Variants in PHIP observed in about 807,000 individuals in gnomAD.
PHIP encodes the protein PHIP subunit of CUL4-Ring ligase complex.
In PHIP, 54 loss-of-function variants were observed where a neutral mutation model predicts 236.8. The observed-to-expected ratio is 0.23, with a 90% CI of 0.18 to 0.29. The LOEUF is 0.29. Among genes scored for constraint, PHIP ranks in the 10% least tolerant of loss-of-function variants. The probability of loss-of-function intolerance (pLI) is 1.00; values close to 1 mark genes in which losing one functional copy is unlikely to be tolerated. For missense variants in PHIP, 1,370 were observed against 2,190.8 expected (o/e 0.63, Z 7.48); for synonymous variants, 756 against 718.9 (o/e 1.05, Z -0.83).
chr6:78,955,320 T>C lies in PHIP; in HGVS notation c.3853-38A>G, dbSNP rs1354905385. 7.9e-6 allele frequency: 11 copies of C among 1,400,676 alleles called. No homozygotes were observed. The African/African-American group carries it at 1.4e-4, about 18-fold the overall frequency. The allele number at this position is 1,400,676 out of a possible 1,614,324, so 86.8% of individuals were successfully genotyped here. ...AATTTACCAGATTCATAAAACATTT[T>C]AGATGTCATTATACTTTATAGTTGA... On this transcript the variant is annotated intron_variant, in intron 33 of 39. Coordinates refer to ENST00000275034, the MANE Select transcript of PHIP (RefSeq NM_017934.7).
chr6:78,935,204 ATTT>A lies in PHIP; in HGVS notation c.*5486_*5488del, dbSNP rs1175753758. Among the ~76,000 whole-genome samples, 1 of 152,118 alleles carries A rather than the reference ATTT, an allele frequency of 6.6e-6. No homozygotes were observed. The highest frequency in any genetic ancestry group is 1.5e-5 in the Non-Finnish European group (1 of 67,950). The stretch of plus-strand genomic sequence containing the variant: ...CTTCATAAAGAAAAGGTTATCAGGA[ATTT>A]TTTTTACCTTCCTTCCTCAACTTAG... On this transcript the variant is annotated 3_prime_UTR_variant, in exon 40 of 40. Transcript: ENST00000275034.
At chr6:78,963,862 C>G (rs1263292841) in intron 29 of PHIP, among the ~76,000 whole-genome samples, 2 of 152,176 alleles carry the variant, frequency 1.3e-5, no homozygotes, top group Admixed American at 1.3e-4. Flanking sequence ...CAGATACACT[C>G]TAGAAAATAC....
chr6:78,972,541 G>C (rs916521481), intron 24 of PHIP, among the ~76,000 whole-genome samples: 1 of 152,218 alleles, frequency 6.6e-6, no homozygotes, highest in Non-Finnish European at 1.5e-5. Flanking sequence ...TGACTTTGAT[G>C]AGCTGAGAGA....
chr6:79,029,989 C>A (rs1366099370), intron 7 of PHIP, among the ~76,000 whole-genome samples: 1 of 152,018 alleles, frequency 6.6e-6, no homozygotes, highest in African/African-American at 2.4e-5. Context: ...ATATTATAGT[C>A]TTTTGACCAA....
chr6:78,941,739 T>A (rs1007960070), intron 39 of PHIP, among the ~76,000 whole-genome samples: 2 of 152,184 alleles, frequency 1.3e-5, no homozygotes, highest in African/African-American at 4.8e-5. Context: ...TGAAAAGTCC[T>A]ATCTCCTTGT....
chr6:78,979,634 G>C (rs1768374260), intron 23 of PHIP, among the ~76,000 whole-genome samples: 1 of 151,764 alleles, frequency 6.6e-6, no homozygotes, highest in Non-Finnish European at 1.5e-5. Flanking sequence ...TGTTACCTTA[G>C]ACTCAGGAAA....
chr6:79,056,103 T>C (rs1773057681), intron 6 of PHIP, among the ~76,000 whole-genome samples: 1 of 152,312 alleles, frequency 6.6e-6, no homozygotes, highest in South Asian at 2.1e-4. Flanking sequence ...TAAAACATAA[T>C]GTCTGTCCTC....
At chr6:78,972,229 T>C (rs1325701867) in intron 24 of PHIP, among the ~76,000 whole-genome samples, 3 of 152,166 alleles carry the variant, frequency 2.0e-5, no homozygotes, top group South Asian at 2.1e-4. Flanking sequence ...CCCTGACCCC[T>C]GAGCAGCCTA....
chr6:78,962,489 C>T (rs1318498675), intron 30 of PHIP, among the ~76,000 whole-genome samples: 1 of 151,842 alleles, frequency 6.6e-6, no homozygotes, highest in Admixed American at 6.6e-5. Flanking sequence ...CCTCAATCTC[C>T]GTGTCCATCC....
intron 21 of PHIP, among the ~76,000 whole-genome samples, chr6:78,986,946 C>T (rs1033996166): frequency 2.5e-5 from 3 of 117,862 alleles, no homozygotes; most frequent in African/African-American, 8.2e-5. Flanking sequence ...GAAAAAGAAA[C>T]AGAATTATTC....
intron 19 of PHIP, among the ~76,000 whole-genome samples, chr6:78,996,379 C>T (rs192591360): frequency 8.2e-4 from 125 of 152,010 alleles, no homozygotes; most frequent in Non-Finnish European, 1.4e-3. Context: ...TTTTATTTCA[C>T]GAAATAAAAA....
intron 27 of PHIP, among the ~76,000 whole-genome samples, chr6:78,967,998 C>T (rs1277290541): frequency 9.2e-5 from 14 of 151,834 alleles, no homozygotes; most frequent in African/African-American, 2.2e-4. Flanking sequence ...ATTAGCCAGG[C>T]GTGGTGGCAG....
intron 19 of PHIP, among the ~76,000 whole-genome samples, chr6:78,993,867 A>G (rs138742379): frequency 6.6e-6 from 1 of 152,324 alleles, no homozygotes; most frequent in East Asian, 1.9e-4. Context: ...AAGAAATTGC[A>G]TTTCATAAGG....
At chr6:79,074,871 C>G (rs1264055788) in intron 4 of PHIP, among the ~76,000 whole-genome samples, 1 of 152,086 alleles carries the variant, frequency 6.6e-6, no homozygotes, top group Non-Finnish European at 1.5e-5. Flanking sequence ...TTCACATCTA[C>G]AAATATTACA....
At chr6:78,972,164 T>C (rs534190234) in intron 24 of PHIP, among the ~76,000 whole-genome samples, 4,763 of 149,860 alleles carry the variant, frequency 0.032, 91 homozygotes, top group Middle Eastern at 0.058. Context: ...GTTCTCCCAG[T>C]ACGCAGCTGG....
chr6:78,966,544 C>G (rs1033530669), intron 27 of PHIP, among the ~76,000 whole-genome samples: 2 of 152,104 alleles, frequency 1.3e-5, no homozygotes, highest in African/African-American at 4.8e-5. Context: ...TCTCAATCAC[C>G]CTTAATACTC....
At chr6:79,063,995 TCAG>T (rs1389040963) in intron 4 of PHIP, among the ~76,000 whole-genome samples, 1 of 152,074 alleles carries the variant, frequency 6.6e-6, no homozygotes, top group Non-Finnish European at 1.5e-5. Flanking sequence ...CCTCATTTTC[TCAG>T]CAGATGACCT....
chr6:78,980,768 G>A (rs1430330527), intron 23 of PHIP, among the ~76,000 whole-genome samples: 1 of 152,016 alleles, frequency 6.6e-6, no homozygotes, highest in Non-Finnish European at 1.5e-5. Context: ...TTTGTATACT[G>A]AGGAGCTAAA....
intron 23 of PHIP, among the ~76,000 whole-genome samples, chr6:78,979,973 A>G (rs1188978781): frequency 3.3e-5 from 5 of 151,976 alleles, no homozygotes; most frequent in Non-Finnish European, 7.4e-5. Flanking sequence ...TCAGTCAAAC[A>G]TATCAAGAGC....
Sources: allele counts gnomAD v4.1 joint callset (sites outside exome capture counted in the v4.1 genomes callset), GRCh38; gene constraint gnomAD v4.1.1; transcripts MANE v1.5; gene names NCBI Gene and HGNC (gene_info 2026-07-23, HGNC 2026-07-21).